The following STYX variants were observed in gnomAD, a reference collection of about 807,000 sequenced individuals.
STYX encodes the protein serine/threonine/tyrosine-interacting protein.
In STYX, 20 loss-of-function variants were observed where a neutral mutation model predicts 42.7. The ratio of observed to expected loss-of-function variants is 0.47; its 90% CI spans 0.33 to 0.68. STYX has a LOEUF of 0.68. Ranked by LOEUF, STYX falls within the 30% of genes least tolerant of loss-of-function variation. The pLI is 0.02. For synonymous variants in STYX, 78 were observed against 81.9 expected (o/e 0.95, Z 0.26); for missense variants, 226 against 268.5 (o/e 0.84, Z 1.11).
At chr14:52,742,882 C>T (rs535222812) in intron 1 of STYX, among the ~76,000 whole-genome samples, 81 of 151,526 alleles carry the variant, frequency 5.3e-4, no homozygotes, top group East Asian at 1.2e-3. Context: ...CTGCAACCTC[C>T]GCTTCCAGGT....
intron 3 of STYX, among the ~76,000 whole-genome samples, chr14:52,747,054 A>C (rs1881422749): frequency 1.3e-5 from 2 of 152,232 alleles, no homozygotes; most frequent in African/African-American, 4.8e-5. Flanking sequence ...CTCAATTATA[A>C]GTATAATGCA....
intron 9 of STYX, among the ~76,000 whole-genome samples, chr14:52,768,593 T>C (rs1882397144): frequency 6.6e-6 from 1 of 152,170 alleles, no homozygotes; most frequent in Non-Finnish European, 1.5e-5. Context: ...TTATAGCTAA[T>C]GCCATACTGA....
At chr14:52,751,545 T>C (rs888929226) in intron 4 of STYX, among the ~76,000 whole-genome samples, 3 of 152,228 alleles carry the variant, frequency 2.0e-5, no homozygotes, top group Middle Eastern at 3.2e-3. Context: ...TTATCAAGTA[T>C]GTGAGAGTGA....
In STYX at chr14:52,773,171, T is replaced by G. The variant is rs1043126252; in HGVS notation, c.*2065T>G. 1 of 152,128 alleles carries G rather than the reference T, an allele frequency of 6.6e-6. No homozygotes were observed. Among genetic ancestry groups the G allele is most frequent in the Non-Finnish European group, 1.5e-5 (1 of 68,056 alleles). 9.4% of individuals were successfully genotyped at this position (152,128 alleles called of 1,614,324 possible). On this transcript the variant is annotated 3_prime_UTR_variant, in exon 11 of 11. Coordinates refer to ENST00000354586, the MANE Select transcript of STYX (RefSeq NM_145251.4). ...TGGCCAAAAGAACAGATTTTGTTAT[T>G]GATAATTTGTAGCTGGTAATTTTCC...
In STYX at chr14:52,754,183, C is replaced by T. The variant is rs111251032; in HGVS notation, c.243-2368C>T. Among the ~76,000 whole-genome samples, 323 of 151,334 alleles carry T rather than the reference C, an allele frequency of 2.1e-3. 1 individual carries two copies. Among genetic ancestry groups the T allele is most frequent in the African/African-American group, 7.6e-3 (312 of 41,276 alleles). On this transcript the variant is annotated intron_variant, in intron 4 of 10. Transcript: ENST00000354586. The stretch of plus-strand genomic sequence containing the variant: ...GATTACAGGCGTGAGCCACTGCGCC[C>T]GGCCTGAATTTTTTATAATTATGAA...
rs1183294296 is a variant in STYX at position 52,773,837 on chromosome 14, T to C, written c.*2731T>C. On this transcript the variant is annotated 3_prime_UTR_variant, in exon 11 of 11. Coordinates refer to ENST00000354586, the MANE Select transcript of STYX (RefSeq NM_145251.4). ...TTGTGATAGTTAACTATGATAAATT[T>C]AACTGATCATGATTTATCTTCTAGA... 1 of 152,200 alleles carries C rather than the reference T, an allele frequency of 6.6e-6. No homozygotes were observed. Among genetic ancestry groups the C allele is most frequent in the Non-Finnish European group, 1.5e-5 (1 of 68,032 alleles). 9.4% of individuals were successfully genotyped at this position (152,200 alleles called of 1,614,324 possible). A position where few individuals can be genotyped will look rare whatever the true frequency, so the allele number is the denominator to read the frequency against.
chr14:52,749,724 T>G (rs1881535625), intron 3 of STYX, among the ~76,000 whole-genome samples: 1 of 152,242 alleles, frequency 6.6e-6, no homozygotes, highest in African/African-American at 2.4e-5. Context: ...TCTGGTAATT[T>G]CTAGAATTGT....
At chr14:52,760,899 T>C (rs951660957) in intron 9 of STYX, among the ~76,000 whole-genome samples, 2 of 152,116 alleles carry the variant, frequency 1.3e-5, no homozygotes, top group African/African-American at 4.8e-5. Context: ...CATGGAAAAA[T>C]AGAGTATCCA....
At chr14:52,755,904 CAT>C (rs1329623302) in intron 4 of STYX, among the ~76,000 whole-genome samples, 1 of 152,092 alleles carries the variant, frequency 6.6e-6, no homozygotes, top group Non-Finnish European at 1.5e-5. Context: ...AAAAGAATAA[CAT>C]AACGATTACA....
chr14:52,751,416 A>G (rs1881605445), intron 4 of STYX, among the ~76,000 whole-genome samples: 1 of 152,064 alleles, frequency 6.6e-6, no homozygotes, highest in Admixed American at 6.5e-5. Context: ...CTCAATTTAT[A>G]TGTGAGCATA....
chr14:52,754,669 C>T (rs1201896738), intron 4 of STYX, among the ~76,000 whole-genome samples: 4 of 151,982 alleles, frequency 2.6e-5, no homozygotes, highest in South Asian at 2.1e-4. Context: ...TGTGTATTTA[C>T]GTATATATGC....
intron 5 of STYX, 64 bp downstream of exon 5, chr14:52,756,675 CTTTTTTTTTTTTTTTTT>C (rs748826005): frequency 1.4e-5 from 1 of 70,416 alleles, no homozygotes; most frequent in African/African-American, 9.4e-5. Context: ...CTTAGTTGTG[CTTTTTTTTTTTTTTTTT>C]TTTTTTTTTT....
intron 1 of STYX, among the ~76,000 whole-genome samples, chr14:52,737,667 A>G (rs538209862): frequency 2.0e-5 from 3 of 152,254 alleles, no homozygotes; most frequent in Non-Finnish European, 4.4e-5. Flanking sequence ...GCTGAGATTA[A>G]GAATTAAGTG....
intron 3 of STYX, among the ~76,000 whole-genome samples, chr14:52,747,795 C>T (rs1294727507): frequency 6.6e-6 from 1 of 152,136 alleles, no homozygotes; most frequent in African/African-American, 2.4e-5. Flanking sequence ...AGTTCGAGAC[C>T]AGCCTGGCCA....
intron 9 of STYX, among the ~76,000 whole-genome samples, chr14:52,766,774 C>T (rs1459255808): frequency 1.3e-5 from 2 of 151,098 alleles, no homozygotes; most frequent in Admixed American, 6.6e-5. Flanking sequence ...CCCCTTACCC[C>T]GGTATAGTTT....
chr14:52,740,459 G>A (rs1881142577), intron 1 of STYX, among the ~76,000 whole-genome samples: 1 of 152,178 alleles, frequency 6.6e-6, no homozygotes, highest in African/African-American at 2.4e-5. Flanking sequence ...TTGAAAGACT[G>A]TATAGTATAT....
chr14:52,739,632 C>CTTTTTTTTTTTTTTTTTTTTTTTT (rs58454717), intron 1 of STYX, among the ~76,000 whole-genome samples: 2 of 65,728 alleles, frequency 3.0e-5, no homozygotes, highest in South Asian at 6.6e-4. Flanking sequence ...TCCTTTCTTT[C>CTTTTTTTTTTTTTTTTTTTTTTTT]TTTTTTTTTT....
intron 1 of STYX, among the ~76,000 whole-genome samples, chr14:52,736,573 C>T (rs961033200): frequency 2.0e-5 from 3 of 152,104 alleles, no homozygotes; most frequent in African/African-American, 7.2e-5. Flanking sequence ...TTTCCCTTTC[C>T]ATTTTTCTTG....
chr14:52,772,790 T>A lies in STYX; in HGVS notation c.*1684T>A, dbSNP rs1443617734. The A allele has an allele frequency of 2.6e-5, 4 of 152,162 alleles. No homozygotes were observed. Among genetic ancestry groups the A allele is most frequent in the African/African-American group, 9.7e-5 (4 of 41,376 alleles). 9.4% of individuals were successfully genotyped at this position (152,162 alleles called of 1,614,324 possible). A position where few individuals can be genotyped will look rare whatever the true frequency, so the allele number is the denominator to read the frequency against. ...TTCCTATTGACCCAGGTGATATTTC[T>A]CTTCTGATTTCCCTCCCCTTCCCTT... is the stretch of plus-strand genomic sequence containing the variant. On this transcript the variant is annotated 3_prime_UTR_variant, in exon 11 of 11. Transcript: ENST00000354586.
Sources: gnomAD v4.1 joint callset for allele counts (sites outside exome capture counted in the v4.1 genomes callset) on GRCh38, gnomAD v4.1.1 for gene constraint, MANE v1.5 for transcripts, NCBI Gene and HGNC (gene_info 2026-07-23, HGNC 2026-07-21) for gene names.